GFOD1: variants seen among roughly 807,000 people sequenced by gnomAD.
The protein encoded by GFOD1 is glucose-fructose oxidoreductase domain-containing protein 1.
A neutral mutation model predicts 25.4 loss-of-function variants in GFOD1; 9 were observed. The ratio of observed to expected loss-of-function variants is 0.35; its 90% CI spans 0.21 to 0.62. GFOD1 has a LOEUF of 0.62. GFOD1 is among the 20% of genes least tolerant of loss of function. The probability of loss-of-function intolerance (pLI) is 0.72; values close to 1 mark genes in which losing one functional copy is unlikely to be tolerated. For missense variants in GFOD1, 403 were observed against 556.9 expected, an observed-to-expected ratio of 0.72 and a Z score of 2.78; for synonymous variants, 253 against 245.6, an observed-to-expected ratio of 1.03 and a Z score of -0.28.
Position 13,376,073 on chromosome 6 carries a change from C to T in GFOD1, c.254-10411G>A, listed in dbSNP as rs1785248896. Among the ~76,000 whole-genome samples the T allele has an allele frequency of 1.3e-5, 2 of 152,222 alleles. 1 individual carries two copies. The highest frequency in any genetic ancestry group is 4.1e-4 in the South Asian group (2 of 4,830). On this transcript the variant is annotated intron_variant, in intron 1 of 1. Coordinates refer to ENST00000379287, the MANE Select transcript of GFOD1 (RefSeq NM_018988.4). ...GAGACTGAGGGTAGAGGTCTAGAAACAACAGGTAGGTATGTAGAACCAAGA... is the reference window on the plus strand; with the variant it reads ...GAGACTGAGGGTAGAGGTCTAGAAATAACAGGTAGGTATGTAGAACCAAGA...
At chr6:13,462,175 G>A (rs770903579) in intron 1 of GFOD1, among the ~76,000 whole-genome samples, 13 of 152,208 alleles carry the variant, frequency 8.5e-5, no homozygotes, top group African/African-American at 1.4e-4. Context: ...TTTATGTCGC[G>A]GGTGAGGAAG....
chr6:13,386,720 T>C (rs2127560073), intron 1 of GFOD1, among the ~76,000 whole-genome samples: 1 of 152,254 alleles, frequency 6.6e-6, no homozygotes, highest in South Asian at 2.1e-4. Flanking sequence ...GGTGTAGACT[T>C]CATGTGCACC....
intron 1 of GFOD1, among the ~76,000 whole-genome samples, chr6:13,379,823 C>T (rs1036516904): frequency 6.6e-6 from 1 of 152,038 alleles, no homozygotes; most frequent in Non-Finnish European, 1.5e-5. Flanking sequence ...GCTCTGAGTG[C>T]CTATTAGTAA....
intron 1 of GFOD1, among the ~76,000 whole-genome samples, chr6:13,393,798 G>C (rs76265114): frequency 9.5e-5 from 2 of 21,144 alleles, no homozygotes; most frequent in South Asian, 3.6e-3. Context: ...TTTTTTTTTT[G>C]AGACGGAGTT....
intron 1 of GFOD1, among the ~76,000 whole-genome samples, chr6:13,443,816 T>TAAAAAAAA (rs34976657): frequency 1.1e-4 from 12 of 112,116 alleles, no homozygotes; most frequent in African/African-American, 4.1e-4. Context: ...GACTCAGTCT[T>TAAAAAAAA]AAAAAAAAAA....
In GFOD1 at chr6:13,371,975, C is replaced by A. The variant is rs186877337; in HGVS notation, c.254-6313G>T. On this transcript the variant is annotated intron_variant, in intron 1 of 1. Transcript: ENST00000379287. Reference sequence around the variant, plus strand: ...GACTGGCCTGAGTCTTCTGGGGAGGCCTTCACAACTCACTCCACAAAGACC... The same window carrying A: ...GACTGGCCTGAGTCTTCTGGGGAGGACTTCACAACTCACTCCACAAAGACC... Among the ~76,000 whole-genome samples the A allele has an allele frequency of 2.6e-5, 4 of 152,292 alleles. No homozygotes were observed. The East Asian group carries it at 5.8e-4, about 22-fold the overall frequency.
intron 1 of GFOD1, among the ~76,000 whole-genome samples, chr6:13,410,618 G>A (rs985380346): frequency 8.1e-5 from 12 of 147,538 alleles, no homozygotes; most frequent in African/African-American, 2.8e-4. Flanking sequence ...GAGAGAGGAA[G>A]GAAGAAAGGA....
chr6:13,415,881 A>G (rs1786154757), intron 1 of GFOD1, among the ~76,000 whole-genome samples: 1 of 152,212 alleles, frequency 6.6e-6, no homozygotes, highest in Non-Finnish European at 1.5e-5. Context: ...AGCATCAACC[A>G]TGTTTCTGGC....
intron 1 of GFOD1, among the ~76,000 whole-genome samples, chr6:13,399,443 T>C (rs1357700458): frequency 2.6e-5 from 4 of 152,228 alleles, no homozygotes; most frequent in Non-Finnish European, 5.9e-5. Flanking sequence ...TTGTTGCAGT[T>C]GTATTTATAA....
At chr6:13,433,022 C>T (rs1261001204) in intron 1 of GFOD1, among the ~76,000 whole-genome samples, 1 of 152,102 alleles carries the variant, frequency 6.6e-6, no homozygotes, top group Admixed American at 6.5e-5. Context: ...TTTACTCATG[C>T]AGCCCCAGTC....
At chr6:13,369,249 G>A (rs191385566) in intron 1 of GFOD1, among the ~76,000 whole-genome samples, 2 of 152,272 alleles carry the variant, frequency 1.3e-5, no homozygotes, top group East Asian at 3.9e-4. Flanking sequence ...TTTACAGATG[G>A]GTCTCGGCAA....
intron 1 of GFOD1, among the ~76,000 whole-genome samples, chr6:13,461,982 T>C (rs751912826): frequency 4.6e-5 from 7 of 152,090 alleles, no homozygotes; most frequent in Non-Finnish European, 8.8e-5. Context: ...GGCAGCAGAG[T>C]AGCGCAACAG....
At chr6:13,406,491 A>G (rs908631033) in intron 1 of GFOD1, among the ~76,000 whole-genome samples, 1 of 152,160 alleles carries the variant, frequency 6.6e-6, no homozygotes, top group Non-Finnish European at 1.5e-5. Flanking sequence ...CAACTCCTTA[A>G]TCCTAAACAG....
intron 1 of GFOD1, among the ~76,000 whole-genome samples, chr6:13,412,815 C>A: frequency 6.6e-6 from 1 of 152,226 alleles, no homozygotes; most frequent in East Asian, 1.9e-4. Flanking sequence ...GTTGTAATGA[C>A]CAAGTGTAGT....
intron 1 of GFOD1, among the ~76,000 whole-genome samples, chr6:13,462,574 C>A (rs1758310769): frequency 6.6e-6 from 1 of 152,194 alleles, no homozygotes. Context: ...GCCAAACCCA[C>A]CTCCTCTGTC....
chr6:13,386,804 C>T (rs993700630), intron 1 of GFOD1, among the ~76,000 whole-genome samples: 6 of 152,116 alleles, frequency 3.9e-5, no homozygotes, highest in South Asian at 2.1e-4. Flanking sequence ...ATTGGCAAAG[C>T]GAGATGGGAC....
intron 1 of GFOD1, among the ~76,000 whole-genome samples, chr6:13,381,772 A>C (rs555141372): frequency 6.6e-6 from 1 of 151,924 alleles, no homozygotes; most frequent in African/African-American, 2.4e-5. Context: ...CAGGTGGTTT[A>C]TCCCCTCCCC....
Position 13,372,665 on chromosome 6 carries a change from C to T in GFOD1, c.254-7003G>A, listed in dbSNP as rs541883501. 2.0e-5 allele frequency among the ~76,000 whole-genome samples: 3 copies of T among 152,320 alleles called. 1 individual carries two copies. The highest frequency in any genetic ancestry group is 4.1e-4 in the South Asian group (2 of 4,830). On this transcript the variant is annotated intron_variant, in intron 1 of 1. Transcript: ENST00000379287. ...GCAGGTACCCGTTGCTGCCCTTCAT[C>T]AGGGAAGTTATCCCTGGGTACCTGA...
chr6:13,382,496 G>A (rs1044453648), intron 1 of GFOD1, among the ~76,000 whole-genome samples: 7 of 152,146 alleles, frequency 4.6e-5, no homozygotes, highest in East Asian at 3.9e-4. Flanking sequence ...ACCTTCCACC[G>A]TGATTGTGAG....
Sources: allele counts gnomAD v4.1 joint callset (sites outside exome capture counted in the v4.1 genomes callset), GRCh38; gene constraint gnomAD v4.1.1; transcripts MANE v1.5; gene names NCBI Gene and HGNC (gene_info 2026-07-23, HGNC 2026-07-21).